ATG4B: variants seen among roughly 807,000 people sequenced by gnomAD.
ATG4B encodes the protein cysteine protease ATG4B.
Under a neutral mutation model 56.6 loss-of-function variants are expected in ATG4B, and 29 were observed. That is an observed-to-expected ratio of 0.51 (90% CI 0.38 to 0.70). ATG4B has a LOEUF of 0.70. ATG4B is among the 30% of genes least tolerant of loss of function. ATG4B has a pLI of 0.00. For synonymous variants in ATG4B, 224 were observed against 206.1 expected, an observed-to-expected ratio of 1.09 and a Z score of -0.74; for missense variants, 461 against 515.5, an observed-to-expected ratio of 0.89 and a Z score of 1.02.
Position 241,672,365 on chromosome 2 carries a change from T to C in ATG4B, c.*101T>C. ...CTCGCCTGCCGAGGGCTGCGCCCCG[T>C]GCTGCCTCCCCCCAGAGGGCCACCC... On this transcript the variant is annotated 3_prime_UTR_variant, in exon 13 of 13. Coordinates refer to ENST00000404914, the MANE Select transcript of ATG4B (RefSeq NM_013325.5). The C allele has an allele frequency of 1.8e-6, 2 of 1,131,056 alleles. No individual in the cohort carries two copies. The highest frequency in any genetic ancestry group is 1.3e-6 in the Non-Finnish European group (1 of 782,536). The allele number at this position is 1,131,056 out of a possible 1,614,324, so 70.1% of individuals were successfully genotyped here.
rs192086578 is a variant in ATG4B at position 241,659,921 on chromosome 2, G to T, written c.538+734G>T. The T allele has an allele frequency of 4.8e-3, 752 of 157,736 alleles. 9 individuals are homozygous for T. The highest frequency in any genetic ancestry group is 0.016 in the African/African-American group (678 of 41,580). The allele number at this position is 157,736 out of a possible 1,614,324, so 9.8% of individuals were successfully genotyped here. A position where few individuals can be genotyped will look rare whatever the true frequency, so the allele number is the denominator to read the frequency against. On this transcript the variant is annotated intron_variant, in intron 7 of 12. Transcript: ENST00000404914. ...AAAGAGCTCATTTAGGCCGGGCGCG[G>T]TGGCTCATGCCTGTAATCCCAGCAC...
At chr2:241,639,144 G>A (rs981800711) in intron 1 of ATG4B, among the ~76,000 whole-genome samples, 4 of 152,152 alleles carry the variant, frequency 2.6e-5, no homozygotes, top group East Asian at 3.9e-4. Flanking sequence ...AGTGAGTGCC[G>A]GGTCCCGCCA....
intron 7 of ATG4B, among the ~76,000 whole-genome samples, chr2:241,662,963 C>T (rs919296388): frequency 2.6e-5 from 4 of 151,800 alleles, no homozygotes; most frequent in South Asian, 2.1e-4. Flanking sequence ...GGGCCGGGCG[C>T]GGTGGCTCAC....
intron 6 of ATG4B, 125 bp downstream of exon 6, chr2:241,655,468 A>G (rs2068369607): frequency 1.0e-6 from 1 of 961,838 alleles, no homozygotes; most frequent in South Asian, 1.6e-5. Context: ...CATGGCCCTC[A>G]GAAGGTTTCT....
chr2:241,647,940 C>A (rs2068113011), intron 1 of ATG4B, among the ~76,000 whole-genome samples: 2 of 151,936 alleles, frequency 1.3e-5, no homozygotes, highest in African/African-American at 4.8e-5. Flanking sequence ...ACAGTGAAAC[C>A]CTGTCTCTAC....
At chr2:241,656,315 C>A (rs981859472) in intron 6 of ATG4B, among the ~76,000 whole-genome samples, 2 of 152,142 alleles carry the variant, frequency 1.3e-5, no homozygotes, top group Admixed American at 1.3e-4. Flanking sequence ...TCCCACGTCA[C>A]CCCCGTCCCA....
chr2:241,667,053 C>T (rs546135645), intron 8 of ATG4B, among the ~76,000 whole-genome samples: 10 of 152,278 alleles, frequency 6.6e-5, no homozygotes, highest in African/African-American at 2.4e-4. Context: ...AGTGTCAAGG[C>T]GAGTGTCGAG....
rs150986301 is a variant in ATG4B at position 241,638,192 on chromosome 2, G to A, written c.10+468G>A. On this transcript the variant is annotated intron_variant, in intron 1 of 12. Transcript: ENST00000404914. ...TTAACTTTTATGAAGTTATTGGTAG[G>A]TTGGAGGAGAGAAACGTGACGTGTT... 1,030 of 152,852 alleles carry A rather than the reference G, an allele frequency of 6.7e-3. 18 individuals are homozygous for A. The highest frequency in any genetic ancestry group is 0.023 in the African/African-American group (975 of 41,614). The allele number at this position is 152,852 out of a possible 1,614,324, so 9.5% of individuals were successfully genotyped here. A position where few individuals can be genotyped will look rare whatever the true frequency, so the allele number is the denominator to read the frequency against.
rs1014959948 is a variant in ATG4B at position 241,670,503 on chromosome 2, A to G, written c.958-223A>G. 4 of 603,218 alleles carry G rather than the reference A, an allele frequency of 6.6e-6. No homozygotes were observed. The African/African-American group carries it at 7.4e-5, about 11-fold the overall frequency. 37.4% of individuals were successfully genotyped at this position (603,218 alleles called of 1,614,324 possible). A position where few individuals can be genotyped will look rare whatever the true frequency, so the allele number is the denominator to read the frequency against. ...CTCGTGGGCGAATCAAGGCACAGCA[A>G]CGCAGTGGAGCCTGAGGGGAGCCGG... On this transcript the variant is annotated intron_variant, in intron 10 of 12. Transcript: ENST00000404914.
chr2:241,653,757 C>G (rs1027923584), intron 4 of ATG4B, 147 bp downstream of exon 4: 9 of 684,604 alleles, frequency 1.3e-5, no homozygotes, highest in African/African-American at 1.3e-4. Flanking sequence ...ACTTGTTTTT[C>G]TTGATTTAAA....
chr2:241,673,256 A>G lies in ATG4B; in HGVS notation c.*992A>G. The G allele has an allele frequency of 3.1e-6, 1 of 320,794 alleles. No individual in the cohort carries two copies. The highest frequency in any genetic ancestry group is 6.2e-6 in the Non-Finnish European group (1 of 160,060). The allele number at this position is 320,794 out of a possible 1,614,324, so 19.9% of individuals were successfully genotyped here. ...GGTGGCATCACCTGGTGGCATTTCC[A>G]GAACCTCAGCCCCGATTCCAGCACC... On this transcript the variant is annotated 3_prime_UTR_variant, in exon 13 of 13. Coordinates refer to ENST00000404914, the MANE Select transcript of ATG4B (RefSeq NM_013325.5).
At chr2:241,666,621 G>C (rs6709768) in intron 7 of ATG4B, 24 bp from the exon 8 acceptor site, 625,248 of 1,609,898 alleles carry the variant, frequency 0.39, 124,391 homozygotes, top group Middle Eastern at 0.51. Context: ...TGCTTGGTTA[G>C]TGAAAGCATG....
chr2:241,646,887 A>G (rs2068077030), intron 1 of ATG4B, among the ~76,000 whole-genome samples: 3 of 150,866 alleles, frequency 2.0e-5, no homozygotes, highest in Admixed American at 2.0e-4. Context: ...GGTTTAAGCA[A>G]TTCTCCTGCC....
intron 1 of ATG4B, among the ~76,000 whole-genome samples, chr2:241,645,312 C>T (rs995211912): frequency 1.3e-5 from 2 of 152,134 alleles, no homozygotes; most frequent in South Asian, 2.1e-4. Context: ...CCCGTGAGGC[C>T]GGGGGCAGGC....
At position 241,652,089 on chromosome 2, in the gene ATG4B, G is replaced by A. The variant is rs536386835; in HGVS notation, c.184+754G>A. On this transcript the variant is annotated intron_variant, in intron 3 of 12. Transcript: ENST00000404914. ...GAGGTGGAAGTCAAATAGCCACAAC[G>A]GCTGGACATTGGAGAACACTGACGC... The A allele has an allele frequency of 2.1e-3, 1,323 of 639,324 alleles. 6 individuals are homozygous for A. Among genetic ancestry groups the A allele is most frequent in the Non-Finnish European group, 2.3e-3 (972 of 414,460 alleles). The allele number at this position is 639,324 out of a possible 1,614,324, so 39.6% of individuals were successfully genotyped here.
At position 241,655,350 on chromosome 2, in the gene ATG4B, A is replaced by T; in HGVS notation, c.458+7A>T. The T allele has an allele frequency of 6.2e-7, 1 of 1,604,598 alleles. No individual in the cohort carries two copies. The highest frequency in any genetic ancestry group is 8.5e-7 in the Non-Finnish European group (1 of 1,175,554). ...CTGTCGCCCAGGTCCTGAAGTATGT[A>T]CTGCGCTTCCACTGCTGAGCATGGG... On this transcript the variant is annotated splice_region_variant and intron_variant, in intron 6 of 12. Transcript: ENST00000404914.
intron 11 of ATG4B, 57 bp downstream of exon 11, chr2:241,670,839 G>A: frequency 6.6e-7 from 1 of 1,524,548 alleles, no homozygotes; most frequent in East Asian, 2.4e-5. Context: ...GACAGGCAGT[G>A]GGGCGTGCAG....
intron 1 of ATG4B, among the ~76,000 whole-genome samples, chr2:241,649,616 T>A (rs1406819993): frequency 6.6e-6 from 1 of 152,188 alleles, no homozygotes; most frequent in Non-Finnish European, 1.5e-5. Flanking sequence ...GAATACGCAA[T>A]GGGCATCTCG....
chr2:241,642,055 TTAA>T (rs1422272083), intron 1 of ATG4B, among the ~76,000 whole-genome samples: 1 of 151,876 alleles, frequency 6.6e-6, no homozygotes, highest in Non-Finnish European at 1.5e-5. Context: ...AGAACTTGAA[TTAA>T]TAATAACCTA....
Sources: gnomAD v4.1 joint callset for allele counts (sites outside exome capture counted in the v4.1 genomes callset) on GRCh38, gnomAD v4.1.1 for gene constraint, MANE v1.5 for transcripts, NCBI Gene and HGNC (gene_info 2026-07-23, HGNC 2026-07-21) for gene names.